PXK: variants seen among roughly 807,000 people sequenced by gnomAD.
PXK encodes the protein PX domain containing serine/threonine kinase like.
Under a neutral mutation model 84.7 loss-of-function variants are expected in PXK, and 35 were observed. The observed-to-expected ratio is 0.41, with a 90% CI of 0.32 to 0.55. PXK has a LOEUF of 0.55. PXK is among the 20% of genes least tolerant of loss of function. The pLI is 0.21. For missense variants in PXK, 634 were observed against 699.7 expected, an observed-to-expected ratio of 0.91 and a Z score of 1.06; for synonymous variants, 253 against 260.8, an observed-to-expected ratio of 0.97 and a Z score of 0.29.
At chr3:58,423,495 G>T in intron 17 of PXK, 7 of 1,534,496 alleles carry the variant, frequency 4.6e-6, no homozygotes, top group Non-Finnish European at 6.1e-6. Flanking sequence ...GTAAAGAAAG[G>T]TAAGTGATTT....
chr3:58,363,608 C>A (rs1033209551), intron 1 of PXK, among the ~76,000 whole-genome samples: 2 of 152,194 alleles, frequency 1.3e-5, no homozygotes, highest in Non-Finnish European at 2.9e-5. Context: ...AGGCATGAGC[C>A]GCTGAGTCTG....
At chr3:58,415,144 A>C (rs1016315158) in intron 17 of PXK, among the ~76,000 whole-genome samples, 2 of 152,126 alleles carry the variant, frequency 1.3e-5, no homozygotes, top group African/African-American at 2.4e-5. Context: ...TCTGTGACCA[A>C]ATGTCAGGGT....
rs2098248797 is a variant in PXK, at chr3:58,364,984, T to G, written c.103-890T>G. On this transcript the variant is annotated intron_variant, in intron 1 of 17. Coordinates refer to ENST00000356151, the MANE Select transcript of PXK (RefSeq NM_017771.5). The surrounding 1 kb of genome is among the most constrained non-coding windows in gnomAD (Gnocchi z 4.3). ...TTCAAATAATCAGCTTTTTATTTCT[T>G]GACTTTTCTCTATTTCTTTGTTTTC... 6.6e-6 allele frequency among the ~76,000 whole-genome samples: 1 copy of G among 152,050 alleles called. No individual in the cohort carries two copies. Among genetic ancestry groups the G allele is most frequent in the South Asian group, 2.1e-4 (1 of 4,834 alleles).
rs1454782644 is a variant in PXK at position 58,332,999 on chromosome 3, T to C, written c.11T>C (p.Met4Thr). 7.3e-7 allele frequency: 1 copy of C among 1,364,342 alleles called. No homozygotes were observed. The highest frequency in any genetic ancestry group is 9.6e-7 in the Non-Finnish European group (1 of 1,045,918). 84.5% of individuals were successfully genotyped at this position (1,364,342 alleles called of 1,614,324 possible). A position where few individuals can be genotyped will look rare whatever the true frequency, so the allele number is the denominator to read the frequency against. The change falls in exon 1 of 18, where the codon ATG (methionine) becomes ACG (threonine). Residue 4 changes from methionine to threonine, a missense_variant. By Grantham distance (81) the Met-to-Thr change is moderately conservative. Around this residue, in one of 3 missense-constraint regions of PXK, gnomAD observed 353 missense variants for 385.2 expected, o/e 0.92. Transcript: ENST00000356151. The surrounding 1 kb of genome is among the most constrained non-coding windows in gnomAD (Gnocchi z 5.6). ...GCCGGGCGTCCCGGGATGGCCTTCA[T>C]GGAGAAGCCGCCAGCCGGCAAGGTG... The part of the protein sequence containing the change: MAF[M>T]EKPPAGKVLL...
intron 1 of PXK, among the ~76,000 whole-genome samples, chr3:58,351,014 G>A (rs1465173874): frequency 1.3e-5 from 2 of 152,146 alleles, no homozygotes; most frequent in Non-Finnish European, 2.9e-5. Flanking sequence ...CCTGTTACAA[G>A]TAGAAGAGCT....
Position 58,399,213 on chromosome 3 carries a change from T to C in PXK, c.1103-86T>C, listed in dbSNP as rs2058189814. 2.6e-6 allele frequency: 3 copies of C among 1,172,718 alleles called. No homozygotes were observed. The highest frequency in any genetic ancestry group is 2.4e-5 in the East Asian group (1 of 42,360). 72.6% of individuals were successfully genotyped at this position (1,172,718 alleles called of 1,614,324 possible). ...GTCCTGATCAGCCCGCAGACAGTTA[T>C]TGCAAAGTGGTGTTAAACTTTTCAT... On this transcript the variant is annotated intron_variant, in intron 11 of 17. Coordinates refer to ENST00000356151, the MANE Select transcript of PXK (RefSeq NM_017771.5). The surrounding 1 kb of genome is among the most constrained non-coding windows in gnomAD (Gnocchi z 4.3).
At position 58,379,781 on chromosome 3, in the gene PXK, TA is replaced by T. The variant is rs2098480822; in HGVS notation, c.202-2725del. On this transcript the variant is annotated intron_variant, in intron 3 of 17. Coordinates refer to ENST00000356151, the MANE Select transcript of PXK (RefSeq NM_017771.5). The surrounding 1 kb of genome is among the most constrained non-coding windows in gnomAD (Gnocchi z 5.1). Reference sequence around the variant, plus strand: ...GCTAAAAGATAAAGGAAATACTCTTTAAAAAAAAGAAAAGCGAAATACAAAA... The same window carrying T: ...GCTAAAAGATAAAGGAAATACTCTTTAAAAAAAGAAAAGCGAAATACAAAA... Among the ~76,000 whole-genome samples the T allele has an allele frequency of 6.6e-6, 1 of 151,566 alleles. No individual in the cohort carries two copies. The highest frequency in any genetic ancestry group is 2.4e-5 in the African/African-American group (1 of 41,204).
rs1216228207 is a variant in PXK, at chr3:58,382,555, T to G, written c.243T>G (p.Ile81Met). ...TACCTCTTCCTCCCAAAAAATTGAT[T>G]GGTAACATGGATCGTGAATTCATAG... The part of the protein sequence containing the change: ...LSLPLPPKKL[I>M]GNMDREFIAE... Residue 81 changes from isoleucine to methionine, a missense_variant, in exon 4 of 18, where the codon ATT (isoleucine) becomes ATG (methionine). Ile to Met is a conservative substitution (Grantham distance 10). Around this residue, in one of 3 missense-constraint regions of PXK, gnomAD observed 353 missense variants for 385.2 expected, o/e 0.92. Coordinates refer to ENST00000356151, the MANE Select transcript of PXK (RefSeq NM_017771.5). 4 of 1,592,318 alleles carry G rather than the reference T, an allele frequency of 2.5e-6. No individual in the cohort carries two copies. Among genetic ancestry groups the G allele is most frequent in the Non-Finnish European group, 3.4e-6 (4 of 1,173,308 alleles).
At chr3:58,334,248 A>G (rs759356303) in intron 1 of PXK, among the ~76,000 whole-genome samples, 1 of 152,190 alleles carries the variant, frequency 6.6e-6, no homozygotes, top group African/African-American at 2.4e-5. Context: ...GTAGGGCTTG[A>G]ATTGTTCAAA....
At chr3:58,336,826 G>C (rs188309241) in intron 1 of PXK, among the ~76,000 whole-genome samples, 2 of 151,904 alleles carry the variant, frequency 1.3e-5, no homozygotes, top group South Asian at 4.2e-4. Context: ...TTTTTGGGGG[G>C]TGGGGGACAG....
At chr3:58,418,820 G>A (rs55727087) in intron 17 of PXK, among the ~76,000 whole-genome samples, 45,067 of 152,130 alleles carry the variant, frequency 0.3, 7,433 homozygotes, top group Middle Eastern at 0.39. Context: ...AAGAATGAGT[G>A]GAGAGAAAGG....
Position 58,409,386 on chromosome 3 carries a change from G to C in PXK, c.1309-146G>C. On this transcript the variant is annotated intron_variant, in intron 14 of 17. Transcript: ENST00000356151. The surrounding 1 kb of genome is among the most constrained non-coding windows in gnomAD (Gnocchi z 4.2). The stretch of plus-strand genomic sequence containing the variant: ...GGCATACTCCTCTACCTGGCATCCA[G>C]ACCCGAGCCAGGAAGTAGACAGCCT... The C allele has an allele frequency of 1.3e-6, 1 of 767,028 alleles. No individual in the cohort carries two copies. Among genetic ancestry groups the C allele is most frequent in the Non-Finnish European group, 2.2e-6 (1 of 456,024 alleles). 47.5% of individuals were successfully genotyped at this position (767,028 alleles called of 1,614,324 possible). A position where few individuals can be genotyped will look rare whatever the true frequency, so the allele number is the denominator to read the frequency against.
chr3:58,380,992 T>TA (rs1006112349), intron 3 of PXK, among the ~76,000 whole-genome samples: 4 of 152,098 alleles, frequency 2.6e-5, no homozygotes, highest in Non-Finnish European at 5.9e-5. Context: ...CTCACGCCTG[T>TA]AATCCCAGCA....
chr3:58,345,180 C>G (rs1394375237), intron 1 of PXK, among the ~76,000 whole-genome samples: 1 of 152,262 alleles, frequency 6.6e-6, no homozygotes, highest in East Asian at 1.9e-4. Flanking sequence ...GAGCAGGGCA[C>G]AGGGGAGAGG....
rs564189044 is a variant in PXK, at chr3:58,362,595, A to C, written c.103-3279A>C. ...AATTTAATTAGGCATACTTATATGGAATTATTTCTGGGTTCTCTGTTGTCT... is the reference window on the plus strand; with the variant it reads ...AATTTAATTAGGCATACTTATATGGCATTATTTCTGGGTTCTCTGTTGTCT... On this transcript the variant is annotated intron_variant, in intron 1 of 17. Transcript: ENST00000356151. Among the ~76,000 whole-genome samples, 4 of 152,256 alleles carry C rather than the reference A, an allele frequency of 2.6e-5. No individual in the cohort carries two copies. The South Asian group carries it at 8.3e-4, about 32-fold the overall frequency.
At position 58,412,157 on chromosome 3, in the gene PXK, C is replaced by T. The variant is rs1401984800; in HGVS notation, c.1466-744C>T. ...ATCTCTATGTGTGGGAGGGGGGTTT[C>T]TGTGTCCACAGAAAGGCTTACGTAG... On this transcript the variant is annotated intron_variant, in intron 16 of 17. Transcript: ENST00000356151. The surrounding 1 kb of genome is among the most constrained non-coding windows in gnomAD (Gnocchi z 6.2). 2.0e-5 allele frequency among the ~76,000 whole-genome samples: 3 copies of T among 152,080 alleles called. No individual in the cohort carries two copies. The highest frequency in any genetic ancestry group is 2.0e-4 in the Admixed American group (3 of 15,270).
Position 58,391,786 on chromosome 3 carries a change from C to T in PXK, c.554C>T (p.Pro185Leu). The change falls in exon 7 of 18, where the codon CCA becomes CTA. Residue 185 changes from proline (P) to leucine (L), a missense_variant. Around this residue, in one of 3 missense-constraint regions of PXK, gnomAD observed 353 missense variants for 385.2 expected, o/e 0.92. Transcript: ENST00000356151. The part of the protein sequence containing the change: ...RLVLSWADLG[P>L]DKYLSDKDFQ... The stretch of plus-strand genomic sequence containing the variant: ...CCATGTTTTCAGGCTGACCTTGGCC[C>T]AGACAAGTATTTGTCAGATAAAGAT... The T allele has an allele frequency of 6.2e-7, 1 of 1,613,538 alleles. No individual in the cohort carries two copies. The highest frequency in any genetic ancestry group is 1.1e-5 in the South Asian group (1 of 91,062).
At chr3:58,351,377 G>A (rs1311338525) in intron 1 of PXK, among the ~76,000 whole-genome samples, 2 of 147,998 alleles carry the variant, frequency 1.4e-5, no homozygotes, top group African/African-American at 2.5e-5. Flanking sequence ...ACAGGTGTGC[G>A]CCACCACAGC....
At position 58,383,516 on chromosome 3, in the gene PXK, C is replaced by G. The variant is rs2098524446; in HGVS notation, c.388+816C>G. 6.6e-6 allele frequency among the ~76,000 whole-genome samples: 1 copy of G among 152,166 alleles called. No individual in the cohort carries two copies. Among genetic ancestry groups the G allele is most frequent in the Non-Finnish European group, 1.5e-5 (1 of 68,034 alleles). ...TCCTCTCTGTGTCTTCCTATTTGCTCCCTGAGACCCACTCAGTGCAAAGCA... is the reference window on the plus strand; with the variant it reads ...TCCTCTCTGTGTCTTCCTATTTGCTGCCTGAGACCCACTCAGTGCAAAGCA... On this transcript the variant is annotated intron_variant, in intron 4 of 17. Transcript: ENST00000356151. The surrounding 1 kb of genome is among the most constrained non-coding windows in gnomAD (Gnocchi z 4.0).
Sources: allele counts gnomAD v4.1 joint callset (sites outside exome capture counted in the v4.1 genomes callset), GRCh38; gene constraint gnomAD v4.1.1; regional missense constraint gnomAD v4.1.1; non-coding constraint Gnocchi (gnomAD v3.1); transcripts MANE v1.5; gene names NCBI Gene and HGNC (gene_info 2026-07-23, HGNC 2026-07-21).